The following EXD3 variants were observed in gnomAD, a reference collection of about 807,000 sequenced individuals.
EXD3 encodes exonuclease mut-7 homolog.
Under a neutral mutation model 98.0 loss-of-function variants are expected in EXD3, and 92 were observed. The observed-to-expected ratio is 0.94, with a 90% CI of 0.79 to 1.12. The LOEUF (loss-of-function observed/expected upper bound fraction) is 1.12, where lower values mean the gene tolerates loss of function less well. Ranked by LOEUF, EXD3 falls within the 50% of genes most tolerant of loss-of-function variation. The pLI, the probability that EXD3 is intolerant of heterozygous loss-of-function variation, is 0.00. For missense variants in EXD3, 1,222 were observed against 1,191.6 expected, an observed-to-expected ratio of 1.03 and a Z score of -0.38; for synonymous variants, 569 against 526.0, an observed-to-expected ratio of 1.08 and a Z score of -1.12.
Position 137,351,445 on chromosome 9 carries a change from C to T in EXD3, c.1257G>A (p.Val419=). ...GGRPRPSLLQ[V]AVEGHVFLLD... ...GAAGGAACACGTGGCCCTCCACGGC[C>T]ACCTGCAGGAGTGACGGCCGAGGCC... The change falls in exon 13 of 22, where the codon GTG becomes GTA. Residue 419 remains valine, a synonymous_variant. Transcript: ENST00000340951. 1 of 1,605,082 alleles carries T rather than the reference C, an allele frequency of 6.2e-7. No individual in the cohort carries two copies. The highest frequency in any genetic ancestry group is 8.5e-7 in the Non-Finnish European group (1 of 1,177,108).
Position 137,352,611 on chromosome 9 carries a change from G to A in EXD3, c.1037+9C>T, listed in dbSNP as rs138788439. ...CACCCCTGGCTGGGGTCACCCTGGC[G>A]GCGCTCACCTCCCCTGGAGCCTGAA... is the stretch of plus-strand genomic sequence containing the variant. On this transcript the variant is annotated intron_variant, in intron 11 of 21. Transcript: ENST00000340951. 2.5e-4 allele frequency: 385 copies of A among 1,535,166 alleles called. No homozygotes were observed. In the East Asian group the frequency reaches 5.6e-3, roughly 22 times the overall value.
rs1369919691 is a variant in EXD3 at position 137,360,549 on chromosome 9, C to T, written c.657-4181G>A. ...GATATCGGTTTACTGCAATCTCTGC[C>T]TCCCAGATTCAAGTGATTCTCCTGC... On this transcript the variant is annotated intron_variant, in intron 7 of 21. Transcript: ENST00000340951. Among the ~76,000 whole-genome samples, 4 of 81,260 alleles carry T rather than the reference C, an allele frequency of 4.9e-5. 1 individual carries two copies. The highest frequency in any genetic ancestry group is 1.4e-4 in the African/African-American group (4 of 29,106). The allele number at this position is 81,260 out of a possible 152,430, so 53.3% of individuals were successfully genotyped here. A position where few individuals can be genotyped will look rare whatever the true frequency, so the allele number is the denominator to read the frequency against.
chr9:137,307,287 C>T (rs1831095203), intron 21 of EXD3, 24 bp from the exon 22 acceptor site: 1 of 1,468,440 alleles, frequency 6.8e-7, no homozygotes, highest in Non-Finnish European at 9.0e-7. Flanking sequence ...AGTGGACTCC[C>T]TGAGCCCTCA....
chr9:137,310,244 G>C (rs1228201062), intron 19 of EXD3, among the ~76,000 whole-genome samples: 2 of 152,170 alleles, frequency 1.3e-5, no homozygotes, highest in African/African-American at 4.8e-5. Context: ...CCCCATGGCT[G>C]CATTATTATT....
intron 5 of EXD3, among the ~76,000 whole-genome samples, chr9:137,368,692 G>A (rs986277662): frequency 2.0e-5 from 3 of 152,252 alleles, no homozygotes; most frequent in Non-Finnish European, 4.4e-5. Context: ...CCAAAATAGC[G>A]GCCTGGGAAA....
rs1470300073 is a variant in EXD3, at chr9:137,352,202, C to A, written c.1038-1G>T. ...CAGCCTCGAGTCAGCCTCAGTCGCC[C>A]TGGGAGGAGCAGAGCTGGTAGCGCC... On this transcript the variant is annotated splice_acceptor_variant, in intron 11 of 21. Coordinates refer to ENST00000340951, the MANE Select transcript of EXD3 (RefSeq NM_017820.5). LOFTEE classifies it high-confidence loss of function. 1 of 1,612,472 alleles carries A rather than the reference C, an allele frequency of 6.2e-7. No individual in the cohort carries two copies. The highest frequency in any genetic ancestry group is 2.2e-5 in the East Asian group (1 of 44,896).
chr9:137,410,977 G>T (rs2131823367), intron 1 of EXD3, among the ~76,000 whole-genome samples: 1 of 152,304 alleles, frequency 6.6e-6, no homozygotes, highest in South Asian at 2.1e-4. Flanking sequence ...GGGACTGCAG[G>T]TGACTGTGCC....
intron 1 of EXD3, among the ~76,000 whole-genome samples, chr9:137,421,481 A>C (rs1315657997): frequency 2.0e-5 from 3 of 152,240 alleles, no homozygotes; most frequent in Admixed American, 2.0e-4. Context: ...AGCCCTGATC[A>C]TTGTATTTTT....
rs368890121 is a variant in EXD3, at chr9:137,356,324, G to A, written c.701C>T (p.Pro234Leu). 92 of 1,604,842 alleles carry A rather than the reference G, an allele frequency of 5.7e-5. 1 individual carries two copies. The African/African-American group carries it at 7.7e-4, about 14-fold the overall frequency. Residue 234 changes from proline to leucine, a missense_variant, in exon 8 of 22, where the codon CCG becomes CTG. Coordinates refer to ENST00000340951, the MANE Select transcript of EXD3 (RefSeq NM_017820.5). ...CAAGACCTGCCTGCTCAGCGCCTTCGGACTCAGCTTCTCCAGGCTCAAGGA... is the reference window on the plus strand; with the variant it reads ...CAAGACCTGCCTGCTCAGCGCCTTCAGACTCAGCTTCTCCAGGCTCAAGGA... ...VTSLSLEKLS[P>L]KALSRQVLRL...
intron 1 of EXD3, among the ~76,000 whole-genome samples, chr9:137,420,737 A>ACGC (rs1554743329): frequency 8.9e-6 from 1 of 112,466 alleles, no homozygotes; most frequent in Non-Finnish European, 1.9e-5. Flanking sequence ...ACAGACATTC[A>ACGC]CCCCCCCCCC....
intron 8 of EXD3, among the ~76,000 whole-genome samples, chr9:137,355,492 T>TGGAGTAAGGAGGAAGGGAGGATGGAGGAA (rs1834622604): frequency 3.2e-5 from 1 of 30,780 alleles, no homozygotes; most frequent in African/African-American, 1.2e-4. Flanking sequence ...GGAAGGAGGA[T>TGGAGTAAGGAGGAAGGGAGGATGGAGGAA]GGAGGAAGGA....
intron 16 of EXD3, 50 bp from the exon 17 acceptor site, chr9:137,348,288 A>C: frequency 1.3e-6 from 2 of 1,568,154 alleles, no homozygotes; most frequent in Non-Finnish European, 1.7e-6. Flanking sequence ...CCAGCCCCTC[A>C]CAGCCTCAGA....
At chr9:137,420,141 C>T (rs1350023125) in intron 1 of EXD3, among the ~76,000 whole-genome samples, 1 of 151,412 alleles carries the variant, frequency 6.6e-6, no homozygotes, top group South Asian at 2.1e-4. Context: ...GCCTGGGCGA[C>T]AGAGGGAGAC....
intron 17 of EXD3, among the ~76,000 whole-genome samples, chr9:137,329,236 G>GA (rs1212447569): frequency 4.8e-5 from 1 of 20,978 alleles, no homozygotes; most frequent in Non-Finnish European, 7.4e-5. Flanking sequence ...GGCTACACGG[G>GA]GCTACACGGG....
At chr9:137,355,093 C>G (rs1834552354) in intron 8 of EXD3, among the ~76,000 whole-genome samples, 1 of 152,256 alleles carries the variant, frequency 6.6e-6, no homozygotes, top group Admixed American at 6.5e-5. Context: ...CCCTGCCCTT[C>G]TCTCACTGGC....
At position 137,395,481 on chromosome 9, in the gene EXD3, T is replaced by A; in HGVS notation, c.-47-77A>T. The A allele has an allele frequency of 7.3e-7, 1 of 1,369,554 alleles. No individual in the cohort carries two copies. Among genetic ancestry groups the A allele is most frequent in the Non-Finnish European group, 1.0e-6 (1 of 990,972 alleles). The allele number at this position is 1,369,554 out of a possible 1,614,324, so 84.8% of individuals were successfully genotyped here. On this transcript the variant is annotated intron_variant, in intron 1 of 21. Coordinates refer to ENST00000340951, the MANE Select transcript of EXD3 (RefSeq NM_017820.5). The surrounding 1 kb of genome is among the most constrained non-coding windows in gnomAD (Gnocchi z 6.5). ...ATGCAGAGCCCACGCCCACAGCCCC[T>A]GGAGGTGGTGGAGGGAGCTGGTGCC...
At chr9:137,315,092 G>C (rs1831571794) in intron 19 of EXD3, among the ~76,000 whole-genome samples, 2 of 152,166 alleles carry the variant, frequency 1.3e-5, no homozygotes, top group Non-Finnish European at 2.9e-5. Flanking sequence ...CACCAGCCCT[G>C]CCTGGCCCAC....
intron 2 of EXD3, among the ~76,000 whole-genome samples, chr9:137,384,460 G>A (rs1006510745): frequency 2.0e-5 from 3 of 152,216 alleles, no homozygotes; most frequent in Non-Finnish European, 4.4e-5. Context: ...CACCTGGGAC[G>A]GGCAGGGAGC....
At chr9:137,369,029 G>A in intron 5 of EXD3, among the ~76,000 whole-genome samples, 1 of 147,856 alleles carries the variant, frequency 6.8e-6, no homozygotes, top group South Asian at 2.2e-4. Context: ...GTGTGGGGAG[G>A]GGCGCAGGGT....
Sources: gnomAD v4.1 joint callset for allele counts (sites outside exome capture counted in the v4.1 genomes callset) on GRCh38, gnomAD v4.1.1 for gene constraint, Gnocchi (gnomAD v3.1) non-coding constraint, MANE v1.5 for transcripts, NCBI Gene and HGNC (gene_info 2026-07-23, HGNC 2026-07-21) for gene names.